Variants in DCDC2 observed in about 807,000 individuals in gnomAD.
DCDC2 encodes doublecortin domain-containing protein 2.
Under a neutral mutation model 50.2 loss-of-function variants are expected in DCDC2, and 40 were observed. The observed-to-expected ratio is 0.80, with a 90% CI of 0.62 to 1.04. DCDC2 has a LOEUF of 1.04. DCDC2 is among the 50% of genes least tolerant of loss of function. The pLI, the probability that DCDC2 is intolerant of heterozygous loss-of-function variation, is 0.00. For missense variants in DCDC2, 570 were observed against 581.9 expected (o/e 0.98, Z 0.21); for synonymous variants, 234 against 210.6 (o/e 1.11, Z -0.96).
chr6:24,327,114 A>G (rs1170502735), intron 2 of DCDC2, among the ~76,000 whole-genome samples: 1 of 149,252 alleles, frequency 6.7e-6, no homozygotes, highest in South Asian at 2.3e-4. Flanking sequence ...CAAAACTTAC[A>G]ATTAACTGGA....
chr6:24,219,973 G>A (rs1197785838), intron 7 of DCDC2, among the ~76,000 whole-genome samples: 2 of 152,154 alleles, frequency 1.3e-5, no homozygotes, highest in Non-Finnish European at 2.9e-5. Flanking sequence ...AAATAAAGAT[G>A]ACCAAGGATA....
intron 7 of DCDC2, among the ~76,000 whole-genome samples, chr6:24,230,482 A>ATAT (rs1762318219): frequency 6.6e-6 from 1 of 152,144 alleles, no homozygotes; most frequent in Admixed American, 6.5e-5. Flanking sequence ...CCACTACAAA[A>ATAT]AAATAAATAT....
intron 2 of DCDC2, among the ~76,000 whole-genome samples, chr6:24,334,250 T>A (rs1760017376): frequency 6.6e-6 from 1 of 152,344 alleles, no homozygotes; most frequent in Admixed American, 6.5e-5. Context: ...TGTTCTTTTA[T>A]CATGGGTATA....
At chr6:24,342,705 A>G (rs567557658) in intron 2 of DCDC2, among the ~76,000 whole-genome samples, 18 of 147,732 alleles carry the variant, frequency 1.2e-4, no homozygotes, top group East Asian at 2.0e-4. Flanking sequence ...AAAAAAAAAA[A>G]GGGTTTTCTT....
intron 7 of DCDC2, among the ~76,000 whole-genome samples, chr6:24,220,655 CAGAA>C (rs1762077794): frequency 6.6e-6 from 1 of 152,134 alleles, no homozygotes; most frequent in Non-Finnish European, 1.5e-5. Context: ...GGGTCACAGT[CAGAA>C]AGCTGAAAAA....
chr6:24,368,537 G>A, the DCDC2 span, among the ~76,000 whole-genome samples: 1 of 152,152 alleles, frequency 6.6e-6, no homozygotes, highest in South Asian at 2.1e-4. Flanking sequence ...AGAAAACAGT[G>A]GACTAAGATC....
chr6:24,305,796 G>GT lies in DCDC2; in HGVS notation c.349-3753_349-3752insA, dbSNP rs201483080. On this transcript the variant is annotated intron_variant, in intron 2 of 9. Coordinates refer to ENST00000378454, the MANE Select transcript of DCDC2 (RefSeq NM_016356.5). ...AATCCCAGCACTTTGGGAGGCCAAG[G>GT]GGGGGTGGATCACCTGAGGTCAGGA... Among the ~76,000 whole-genome samples, 1,177 of 152,156 alleles carry GT rather than the reference G, an allele frequency of 7.7e-3. 18 individuals carry two copies. The highest frequency in any genetic ancestry group is 0.025 in the African/African-American group (1,057 of 41,484).
chr6:24,307,734 C>T (rs1382982738), intron 2 of DCDC2, among the ~76,000 whole-genome samples: 1 of 151,618 alleles, frequency 6.6e-6, no homozygotes, highest in African/African-American at 2.4e-5. Context: ...ATAGATTGTT[C>T]TGAAAAAGAT....
intron 8 of DCDC2, 60 bp from the exon 9 acceptor site, chr6:24,178,692 C>A (rs764946385): frequency 1.4e-6 from 2 of 1,452,694 alleles, no homozygotes; most frequent in East Asian, 2.3e-5. Context: ...ATTTCCACTG[C>A]ACATCATAGT....
At chr6:24,351,880 C>T (rs780351364) in intron 2 of DCDC2, among the ~76,000 whole-genome samples, 4 of 152,164 alleles carry the variant, frequency 2.6e-5, no homozygotes, top group Non-Finnish European at 4.4e-5. Context: ...CCAAGGCGGG[C>T]GGATCATGAG....
intron 6 of DCDC2, among the ~76,000 whole-genome samples, chr6:24,284,175 A>G (rs1763540768): frequency 6.6e-6 from 1 of 152,206 alleles, no homozygotes; most frequent in South Asian, 2.1e-4. Context: ...AAGAAGAGTT[A>G]TAATAGATGT....
At chr6:24,306,452 GA>G (rs974040467) in intron 2 of DCDC2, among the ~76,000 whole-genome samples, 44 of 151,998 alleles carry the variant, frequency 2.9e-4, no homozygotes, top group African/African-American at 9.9e-4. Flanking sequence ...GGAGCAGGCT[GA>G]AGAGGCTGGC....
intron 7 of DCDC2, among the ~76,000 whole-genome samples, chr6:24,261,909 T>C (rs1028295943): frequency 6.6e-6 from 1 of 151,834 alleles, no homozygotes; most frequent in Admixed American, 6.6e-5. Context: ...TGTCAGGAAA[T>C]GAGGTGGAGC....
chr6:24,378,776 A>T, the DCDC2 span, among the ~76,000 whole-genome samples: 2 of 152,188 alleles, frequency 1.3e-5, no homozygotes, highest in East Asian at 3.9e-4. Context: ...CCTCCCACTG[A>T]GGCAGAAATC....
At chr6:24,234,005 G>T (rs1762389994) in intron 7 of DCDC2, among the ~76,000 whole-genome samples, 2 of 152,166 alleles carry the variant, frequency 1.3e-5, no homozygotes, top group Non-Finnish European at 2.9e-5. Context: ...ACTAGCTCAT[G>T]ATCTTGTGAG....
intron 4 of DCDC2, among the ~76,000 whole-genome samples, chr6:24,293,341 T>G (rs1383986392): frequency 6.6e-6 from 1 of 152,178 alleles, no homozygotes; most frequent in Non-Finnish European, 1.5e-5. Flanking sequence ...TTCAGTAAAT[T>G]TTTATGGGAT....
intron 7 of DCDC2, among the ~76,000 whole-genome samples, chr6:24,220,869 C>CG (rs199513421): frequency 0.81 from 106,690 of 132,424 alleles, 41,660 homozygotes; most frequent in Non-Finnish European, 0.86. Flanking sequence ...AGACAGAGAG[C>CG]AAGAGAGCGA....
rs765215691 is a variant in DCDC2, at chr6:24,178,522, A to G, written c.1134T>C (p.Gly378=). The G allele has an allele frequency of 2.4e-5, 38 of 1,613,408 alleles. No homozygotes were observed. Among genetic ancestry groups the G allele is most frequent in the Non-Finnish European group, 3.1e-5 (36 of 1,179,896 alleles). The change falls in exon 9 of 10, where the codon GGT becomes GGC. Residue 378 remains glycine (G), a synonymous_variant. Coordinates refer to ENST00000378454, the MANE Select transcript of DCDC2 (RefSeq NM_016356.5). ...GMNGDLEEEG[G]REATDAPEQV... is the part of the protein sequence containing the mutation. Reference sequence around the variant, plus strand: ...GCTCAGGGGCATCTGTAGCCTCCCTACCTCCTTCCTCTTCAAGGTCACCAT... The same window carrying G: ...GCTCAGGGGCATCTGTAGCCTCCCTGCCTCCTTCCTCTTCAAGGTCACCAT...
chr6:24,273,314 T>C (rs754937496), intron 7 of DCDC2, among the ~76,000 whole-genome samples: 23 of 151,978 alleles, frequency 1.5e-4, no homozygotes, highest in Non-Finnish European at 2.9e-4. Context: ...GTATGAGAAA[T>C]TACATCATGG....
Sources: gnomAD v4.1 joint callset for allele counts (sites outside exome capture counted in the v4.1 genomes callset) on GRCh38, gnomAD v4.1.1 for gene constraint, MANE v1.5 for transcripts, NCBI Gene and HGNC (gene_info 2026-07-23, HGNC 2026-07-21) for gene names.